The following TMEM267 variants were observed in gnomAD, a reference collection of about 807,000 sequenced individuals.
TMEM267 encodes transmembrane protein C5orf28.
TMEM267 carries 20 observed loss-of-function variants against 19.3 expected under a neutral mutation model. The ratio of observed to expected loss-of-function variants is 1.04; its 90% CI spans 0.73 to 1.51. TMEM267 has a LOEUF of 1.51. Among genes scored for constraint, TMEM267 ranks in the 40% most tolerant of loss-of-function variants. The pLI, the probability that TMEM267 is intolerant of heterozygous loss-of-function variation, is 0.00. For synonymous variants in TMEM267, 88 were observed against 90.3 expected (o/e 0.97, Z 0.15); for missense variants, 242 against 261.9 (o/e 0.92, Z 0.52).
At chr5:43,463,070 G>T (rs1010518418) in intron 1 of TMEM267, among the ~76,000 whole-genome samples, 7 of 150,620 alleles carry the variant, frequency 4.6e-5, no homozygotes, top group African/African-American at 7.3e-5. Flanking sequence ...AAAGAGAGAA[G>T]AATCAAATAG....
intron 1 of TMEM267, among the ~76,000 whole-genome samples, chr5:43,466,254 G>T (rs1363685993): frequency 1.3e-5 from 2 of 152,070 alleles, no homozygotes; most frequent in African/African-American, 4.8e-5. Flanking sequence ...AGCAGCAAGA[G>T]AAAATAAACA....
chr5:43,461,238 A>G (rs1395016818), intron 1 of TMEM267, among the ~76,000 whole-genome samples: 1 of 152,052 alleles, frequency 6.6e-6, no homozygotes. Context: ...AGCATTCATC[A>G]CCTGCTAACT....
chr5:43,451,449 C>T (rs1299113491), intron 2 of TMEM267, among the ~76,000 whole-genome samples: 2 of 152,048 alleles, frequency 1.3e-5, no homozygotes, highest in Non-Finnish European at 2.9e-5. Context: ...AGGACATGAA[C>T]AGACATTTTT....
In TMEM267 at chr5:43,445,920, C is replaced by G. The variant is rs1198655798; in HGVS notation, c.*302G>C. 1 of 164,178 alleles carries G rather than the reference C, an allele frequency of 6.1e-6. No individual in the cohort carries two copies. Among genetic ancestry groups the G allele is most frequent in the Non-Finnish European group, 1.3e-5 (1 of 76,332 alleles). The allele number at this position is 164,178 out of a possible 1,614,324, so 10.2% of individuals were successfully genotyped here. On this transcript the variant is annotated 3_prime_UTR_variant, in exon 3 of 3. Coordinates refer to ENST00000397080, the MANE Select transcript of TMEM267 (RefSeq NM_022483.5). ...TCCAGGTATATTTCCAGAAAATGAA[C>G]TGGATGTTAATCTAAAAGAACTACT...
chr5:43,458,856 G>A (rs551433575), intron 1 of TMEM267, among the ~76,000 whole-genome samples: 7 of 152,196 alleles, frequency 4.6e-5, no homozygotes, highest in South Asian at 4.1e-4. Context: ...GCACAGTGGC[G>A]TGAATCTTTC....
chr5:43,472,873 C>T (rs1394889381), intron 1 of TMEM267, among the ~76,000 whole-genome samples: 2 of 150,154 alleles, frequency 1.3e-5, no homozygotes, highest in Non-Finnish European at 2.9e-5. Context: ...GGCACGGTGG[C>T]TCACACCTGT....
intron 1 of TMEM267, among the ~76,000 whole-genome samples, chr5:43,466,389 T>C (rs762978206): frequency 5.9e-5 from 9 of 152,150 alleles, no homozygotes; most frequent in Non-Finnish European, 1.3e-4. Flanking sequence ...TATCTTAGAA[T>C]AACATATCTG....
chr5:43,463,084 C>T (rs372262198), intron 1 of TMEM267, among the ~76,000 whole-genome samples: 1 of 151,946 alleles, frequency 6.6e-6, no homozygotes, highest in Non-Finnish European at 1.5e-5. Flanking sequence ...CAAATAGATG[C>T]AATAAAAAAT....
At chr5:43,454,090 C>G in intron 1 of TMEM267, 47 bp from the exon 2 acceptor site, 4 of 1,284,104 alleles carry the variant, frequency 3.1e-6, no homozygotes, top group Non-Finnish European at 4.2e-6. Flanking sequence ...TATGGACTAC[C>G]ATATAATATT....
chr5:43,448,177 T>C lies in TMEM267; in HGVS notation c.313-1620A>G, dbSNP rs575165119. Among the ~76,000 whole-genome samples the C allele has an allele frequency of 5.8e-4, 89 of 152,318 alleles. 1 individual carries two copies. The highest frequency in any genetic ancestry group is 1.5e-5 in the Non-Finnish European group (1 of 68,022). The stretch of plus-strand genomic sequence containing the variant: ...TCCTCAAACGAGTATTCTTTACCTC[T>C]CACCTACGGTCTGAACATCAAAGAG... On this transcript the variant is annotated intron_variant, in intron 2 of 2. Coordinates refer to ENST00000397080, the MANE Select transcript of TMEM267 (RefSeq NM_022483.5).
At chr5:43,475,949 A>C (rs941365835) in intron 1 of TMEM267, among the ~76,000 whole-genome samples, 3 of 152,230 alleles carry the variant, frequency 2.0e-5, no homozygotes, top group African/African-American at 7.2e-5. Context: ...ACTCGGACTT[A>C]AAAACATTTC....
chr5:43,468,101 A>G (rs561341276), intron 1 of TMEM267, among the ~76,000 whole-genome samples: 1 of 142,250 alleles, frequency 7.0e-6, no homozygotes, highest in Non-Finnish European at 1.5e-5. Flanking sequence ...ATTAACTTTC[A>G]TACCTTGGTT....
At chr5:43,452,092 A>AAAG (rs1742634113) in intron 2 of TMEM267, among the ~76,000 whole-genome samples, 1 of 151,198 alleles carries the variant, frequency 6.6e-6, no homozygotes, top group East Asian at 1.9e-4. Context: ...AAAAAAAAAA[A>AAAG]AAAGAAAGAA....
intron 2 of TMEM267, 35 bp from the exon 3 acceptor site, chr5:43,446,592 T>G (rs761014978): frequency 7.1e-7 from 1 of 1,413,146 alleles, no homozygotes; most frequent in Admixed American, 2.2e-5. Context: ...TATCATTTCC[T>G]TTCTAGCAAA....
intron 2 of TMEM267, among the ~76,000 whole-genome samples, chr5:43,452,257 A>G (rs1188861032): frequency 6.6e-6 from 1 of 152,144 alleles, no homozygotes; most frequent in Non-Finnish European, 1.5e-5. Context: ...ATGGAACACT[A>G]CTTGCCCATA....
intron 1 of TMEM267, among the ~76,000 whole-genome samples, chr5:43,469,886 C>G (rs555747331): frequency 6.6e-6 from 1 of 152,182 alleles, no homozygotes; most frequent in Non-Finnish European, 1.5e-5. Context: ...GCGATGTAAA[C>G]GGATGGCTTA....
chr5:43,478,381 T>A (rs1188901592), intron 1 of TMEM267, among the ~76,000 whole-genome samples: 1 of 152,218 alleles, frequency 6.6e-6, no homozygotes, highest in Non-Finnish European at 1.5e-5. Context: ...AGATAGCTTT[T>A]GTGATCAACT....
chr5:43,473,208 C>T (rs1043746401), intron 1 of TMEM267, among the ~76,000 whole-genome samples: 1 of 147,816 alleles, frequency 6.8e-6, no homozygotes, highest in Non-Finnish European at 1.5e-5. Context: ...AACAGGGTAA[C>T]TACAGTGAAT....
chr5:43,460,545 G>A (rs761402673), intron 1 of TMEM267, among the ~76,000 whole-genome samples: 1 of 151,594 alleles, frequency 6.6e-6, no homozygotes, highest in Non-Finnish European at 1.5e-5. Flanking sequence ...GGCACAGAAG[G>A]GATTAAAAAA....
Sources: gnomAD v4.1 joint callset for allele counts (sites outside exome capture counted in the v4.1 genomes callset) on GRCh38, gnomAD v4.1.1 for gene constraint, MANE v1.5 for transcripts, NCBI Gene and HGNC (gene_info 2026-07-23, HGNC 2026-07-21) for gene names.